IHO1: variants seen among roughly 807,000 people sequenced by gnomAD.
IHO1 encodes interactor of HORMAD1 1, also known as interactor of HORMAD1 protein 1.
In IHO1, 13 loss-of-function variants were observed where a neutral mutation model predicts 31.0. The ratio of observed to expected loss-of-function variants is 0.42; its 90% CI spans 0.27 to 0.67. The LOEUF (loss-of-function observed/expected upper bound fraction) is 0.67. Ranked by LOEUF, IHO1 falls within the 30% of genes least tolerant of loss-of-function variation. IHO1 has a pLI of 0.24. For missense variants in IHO1, 599 were observed against 687.5 expected (o/e 0.87, Z 1.44); for synonymous variants, 221 against 248.4 (o/e 0.89, Z 1.04).
chr3:49,219,338 A>G (rs1465989386), intron 2 of IHO1, among the ~76,000 whole-genome samples: 2 of 152,242 alleles, frequency 1.3e-5, no homozygotes, highest in East Asian at 1.9e-4. Context: ...ACCACAACCA[A>G]TAGCATGAAT....
chr3:49,223,717 G>A (rs1016690935), intron 2 of IHO1, among the ~76,000 whole-genome samples: 20 of 151,888 alleles, frequency 1.3e-4, no homozygotes, highest in Admixed American at 6.6e-4. Flanking sequence ...GACCATTGTT[G>A]GTCTGTAAGC....
At chr3:49,206,470 TCCAC>T (rs1375741408) in intron 1 of IHO1, among the ~76,000 whole-genome samples, 1 of 151,970 alleles carries the variant, frequency 6.6e-6, no homozygotes, top group African/African-American at 2.4e-5. Context: ...CCTCAAGTGA[TCCAC>T]CCACCTCGGC....
intron 2 of IHO1, among the ~76,000 whole-genome samples, chr3:49,223,558 G>A (rs762976496): frequency 3.9e-5 from 6 of 152,112 alleles, no homozygotes; most frequent in African/African-American, 9.7e-5. Context: ...GGGTGTGGTC[G>A]TGGGCACCTA....
At chr3:49,251,619 G>T (rs1189430646) in intron 6 of IHO1, among the ~76,000 whole-genome samples, 2 of 148,562 alleles carry the variant, frequency 1.3e-5, no homozygotes, top group Non-Finnish European at 1.5e-5. Flanking sequence ...CTTTTTTTTT[G>T]AGATGGAGTT....
At chr3:49,217,257 G>A (rs2046299118) in intron 2 of IHO1, among the ~76,000 whole-genome samples, 2 of 152,174 alleles carry the variant, frequency 1.3e-5, no homozygotes, top group Admixed American at 1.3e-4. Flanking sequence ...ATCAATGAGA[G>A]ACTGGATTAA....
intron 2 of IHO1, among the ~76,000 whole-genome samples, chr3:49,232,382 A>C (rs1014140026): frequency 1.3e-5 from 2 of 152,260 alleles, no homozygotes; most frequent in Non-Finnish European, 2.9e-5. Flanking sequence ...GCAGCTGAAC[A>C]GCATCTACAG....
intron 3 of IHO1, among the ~76,000 whole-genome samples, chr3:49,237,323 G>A (rs1333683071): frequency 6.6e-6 from 1 of 152,032 alleles, no homozygotes; most frequent in Non-Finnish European, 1.5e-5. Context: ...CTCTATCCTG[G>A]GAGATAGAGC....
intron 2 of IHO1, among the ~76,000 whole-genome samples, chr3:49,236,170 C>T (rs2107718684): frequency 6.6e-6 from 1 of 152,286 alleles, no homozygotes; most frequent in South Asian, 2.1e-4. Flanking sequence ...GATCATGCCA[C>T]TGCACTCCAG....
At position 49,236,703 on chromosome 3, in the gene IHO1, C is replaced by T. The variant is rs901330090; in HGVS notation, c.212C>T (p.Ser71Leu). The T allele has an allele frequency of 1.2e-6, 2 of 1,613,064 alleles. No homozygotes were observed. The highest frequency in any genetic ancestry group is 2.7e-5 in the African/African-American group (2 of 74,840). The change falls in exon 3 of 8, where the codon TCA (serine) becomes TTA (leucine). Residue 71 changes from serine (S) to leucine (L), a missense_variant. Coordinates refer to ENST00000452691, the MANE Select transcript of IHO1 (RefSeq NM_001135197.2). ...GCCCACTTGAGACATTCAAAACAGT[C>T]ACAACAGAACTATCTGGAGGTGAGT... ...FGAHLRHSKQSQQNYLEGEPS... is the reference protein window; with the variant it reads ...FGAHLRHSKQLQQNYLEGEPS...
At chr3:49,198,846 C>G (rs1038440514), upstream of IHO1, 1 of 152,574 alleles carries the variant, frequency 6.6e-6, no homozygotes. Context: ...TCCAGCAGGC[C>G]AGAAACCTCA....
chr3:49,225,239 G>A (rs925348131), intron 2 of IHO1, among the ~76,000 whole-genome samples: 2 of 152,312 alleles, frequency 1.3e-5, no homozygotes, highest in East Asian at 3.9e-4. Context: ...GCTGAGGCGG[G>A]CAGATCATCA....
Position 49,206,088 on chromosome 3 carries a change from C to T in IHO1, c.-15-5678C>T, listed in dbSNP as rs192366092. 3.1e-4 allele frequency among the ~76,000 whole-genome samples: 47 copies of T among 152,126 alleles called. No homozygotes were observed. The South Asian group carries it at 9.5e-3, about 31-fold the overall frequency. ...GCGCCATTCTCCTGCCTCAGCCTCC[C>T]GAGTAGGTGGGACTACAGGCGCCCA... On this transcript the variant is annotated intron_variant, in intron 1 of 7. Transcript: ENST00000452691.
intron 4 of IHO1, among the ~76,000 whole-genome samples, chr3:49,241,874 G>T (rs1443566227): frequency 6.6e-6 from 1 of 151,852 alleles, no homozygotes; most frequent in Non-Finnish European, 1.5e-5. Flanking sequence ...ACCCATCTCA[G>T]CCTCCCAAAA....
intron 6 of IHO1, among the ~76,000 whole-genome samples, chr3:49,247,552 G>A (rs2046709847): frequency 6.6e-6 from 1 of 151,580 alleles, no homozygotes; most frequent in East Asian, 2.0e-4. Flanking sequence ...ACTTTGGGAG[G>A]CCAAGGTGGG....
At chr3:49,228,080 G>A (rs1454260685) in intron 2 of IHO1, among the ~76,000 whole-genome samples, 2 of 152,178 alleles carry the variant, frequency 1.3e-5, no homozygotes, top group Non-Finnish European at 2.9e-5. Flanking sequence ...TAGCCTCGGA[G>A]AAGAGAGGTG....
chr3:49,232,441 C>A (rs190918065), intron 2 of IHO1, among the ~76,000 whole-genome samples: 31 of 152,286 alleles, frequency 2.0e-4, no homozygotes, highest in African/African-American at 7.0e-4. Context: ...GTGGAGAGAT[C>A]TGATAACAAA....
chr3:49,194,292 G>GTATATATATATATATATATATATATA (rs141683116), upstream of IHO1, among the ~76,000 whole-genome samples: 12 of 120,166 alleles, frequency 1.0e-4, no homozygotes, highest in East Asian at 5.3e-4. Context: ...AGTACAAAGT[G>GTATATATATATATATATATATATATA]TATATATATA....
chr3:49,248,376 G>A (rs995773304), intron 6 of IHO1, among the ~76,000 whole-genome samples: 6 of 152,052 alleles, frequency 3.9e-5, no homozygotes, highest in Admixed American at 3.3e-4. Flanking sequence ...CCGAGATCCT[G>A]CCACTGCACT....
At chr3:49,237,205 G>A (rs986322850) in intron 3 of IHO1, among the ~76,000 whole-genome samples, 4 of 151,862 alleles carry the variant, frequency 2.6e-5, no homozygotes, top group East Asian at 3.9e-4. Flanking sequence ...AAAATTAGCC[G>A]GGTGTGGTGG....
Sources: gnomAD v4.1 joint callset for allele counts (sites outside exome capture counted in the v4.1 genomes callset) on GRCh38, gnomAD v4.1.1 for gene constraint, MANE v1.5 for transcripts, NCBI Gene and HGNC (gene_info 2026-07-23, HGNC 2026-07-21) for gene names.